The following CDH8 variants were observed in gnomAD, a reference collection of about 807,000 sequenced individuals.
CDH8 encodes the protein cadherin 8.
CDH8 carries 17 observed loss-of-function variants against 68.1 expected under a neutral mutation model. That is an observed-to-expected ratio of 0.25 (90% CI 0.17 to 0.37). The LOEUF (loss-of-function observed/expected upper bound fraction) is 0.37, where lower values mean the gene tolerates loss of function less well. CDH8 is among the 10% of genes least tolerant of loss of function. CDH8 has a pLI of 1.00. For synonymous variants in CDH8, 372 were observed against 365.1 expected (o/e 1.02, Z -0.21); for missense variants, 763 against 999.3 (o/e 0.76, Z 3.19).
chr16:62,029,171 G>A (rs1185244382), intron 1 of CDH8, among the ~76,000 whole-genome samples: 1 of 152,134 alleles, frequency 6.6e-6, no homozygotes, highest in African/African-American at 2.4e-5. Flanking sequence ...AAAGATTAAG[G>A]AAGAAATAAA....
rs557195693 is a variant in CDH8, at chr16:62,021,533, G to A, written c.-130C>T. The A allele has an allele frequency of 2.8e-6, 4 of 1,452,084 alleles. No individual in the cohort carries two copies. The highest frequency in any genetic ancestry group is 4.7e-5 in the East Asian group (2 of 42,242). The allele number at this position is 1,452,084 out of a possible 1,614,324, so 89.9% of individuals were successfully genotyped here. ...AGCTCTGCCACGTGTCTATAGCACGGGAAACAGACATCATCTAAGCAGCTT... is the reference window on the plus strand; with the variant it reads ...AGCTCTGCCACGTGTCTATAGCACGAGAAACAGACATCATCTAAGCAGCTT... On this transcript the variant is annotated 5_prime_UTR_variant, in exon 2 of 12. Transcript: ENST00000577390.
chr16:61,958,642 T>C (rs1014138791), intron 2 of CDH8, among the ~76,000 whole-genome samples: 1 of 152,152 alleles, frequency 6.6e-6, no homozygotes, highest in South Asian at 2.1e-4. Flanking sequence ...TCTTCATCCA[T>C]GATAGAGATT....
At chr16:61,953,900 TATA>T (rs1964937600) in intron 2 of CDH8, among the ~76,000 whole-genome samples, 6 of 63,152 alleles carry the variant, frequency 9.5e-5, no homozygotes, top group African/African-American at 4.5e-4. Flanking sequence ...AAACTTTATA[TATA>T]TATATATATA....
At chr16:61,909,037 A>ATCC (rs972549158) in intron 2 of CDH8, among the ~76,000 whole-genome samples, 2 of 152,286 alleles carry the variant, frequency 1.3e-5, no homozygotes, top group South Asian at 4.1e-4. Flanking sequence ...AGGAGAAATA[A>ATCC]TCCTTGATCA....
intron 9 of CDH8, among the ~76,000 whole-genome samples, chr16:61,720,368 C>A (rs146713465): frequency 6.6e-6 from 1 of 150,914 alleles, no homozygotes; most frequent in Non-Finnish European, 1.5e-5. Flanking sequence ...TGGAAACAAG[C>A]GTATTCAGGT....
chr16:61,881,528 T>C (rs764510426), intron 3 of CDH8, among the ~76,000 whole-genome samples: 1 of 152,130 alleles, frequency 6.6e-6, no homozygotes, highest in Non-Finnish European at 1.5e-5. Context: ...TAAGCAAACA[T>C]ATCAGAAAAG....
intron 10 of CDH8, among the ~76,000 whole-genome samples, chr16:61,689,948 T>A (rs974040765): frequency 3.3e-5 from 5 of 152,052 alleles, no homozygotes; most frequent in Non-Finnish European, 7.4e-5. Context: ...TAAAAGCCAC[T>A]GATTTAGACT....
At chr16:61,891,666 C>A (rs928182070) in intron 3 of CDH8, among the ~76,000 whole-genome samples, 2 of 152,136 alleles carry the variant, frequency 1.3e-5, no homozygotes, top group Non-Finnish European at 2.9e-5. Flanking sequence ...AGACTCCTCA[C>A]CCCATTGTAG....
At chr16:61,657,560 C>A (rs1963471551) in intron 10 of CDH8, among the ~76,000 whole-genome samples, 2 of 151,958 alleles carry the variant, frequency 1.3e-5, no homozygotes, top group South Asian at 4.1e-4. Context: ...AAGCTAAAAG[C>A]AAGGAACATT....
At chr16:61,683,239 A>G (rs1964045233) in intron 10 of CDH8, among the ~76,000 whole-genome samples, 1 of 152,004 alleles carries the variant, frequency 6.6e-6, no homozygotes, top group South Asian at 2.1e-4. Flanking sequence ...TATTACCTTA[A>G]CTGAAAAATA....
chr16:61,722,868 C>A (rs1959237040), intron 9 of CDH8, among the ~76,000 whole-genome samples: 1 of 150,332 alleles, frequency 6.7e-6, no homozygotes, highest in South Asian at 2.1e-4. Context: ...GAAGAGAAAC[C>A]AAAATATTTT....
intron 7 of CDH8, among the ~76,000 whole-genome samples, chr16:61,795,756 T>C (rs1335632224): frequency 6.6e-6 from 1 of 152,078 alleles, no homozygotes; most frequent in East Asian, 1.9e-4. Context: ...TTCCAAACTC[T>C]TCGTGGTGTT....
At chr16:61,729,838 A>G (rs1303395220) in intron 8 of CDH8, among the ~76,000 whole-genome samples, 3 of 151,492 alleles carry the variant, frequency 2.0e-5, no homozygotes, top group African/African-American at 7.2e-5. Context: ...AGAAAAAGCT[A>G]CCATATTCCT....
At chr16:61,906,385 T>G (rs573440335) in intron 2 of CDH8, among the ~76,000 whole-genome samples, 3 of 152,188 alleles carry the variant, frequency 2.0e-5, no homozygotes, top group Non-Finnish European at 4.4e-5. Flanking sequence ...TCAAACCCTC[T>G]GGCCACCCAC....
At chr16:61,756,470 G>T (rs1390728624) in intron 8 of CDH8, among the ~76,000 whole-genome samples, 1 of 151,858 alleles carries the variant, frequency 6.6e-6, no homozygotes, top group Non-Finnish European at 1.5e-5. Context: ...ATTTTGGGAG[G>T]CAACAGAAAT....
At chr16:61,968,088 A>T (rs1011089039) in intron 2 of CDH8, among the ~76,000 whole-genome samples, 7 of 152,136 alleles carry the variant, frequency 4.6e-5, no homozygotes, top group African/African-American at 7.2e-5. Context: ...GGGATTACAT[A>T]AGCAACCGGG....
At chr16:61,903,660 TC>T (rs1431831463) in intron 2 of CDH8, among the ~76,000 whole-genome samples, 1 of 152,238 alleles carries the variant, frequency 6.6e-6, no homozygotes, top group Non-Finnish European at 1.5e-5. Context: ...TTCTGGTTTC[TC>T]TAACTACATG....
At chr16:61,893,656 G>A (rs1335625484) in intron 3 of CDH8, among the ~76,000 whole-genome samples, 2 of 152,006 alleles carry the variant, frequency 1.3e-5, no homozygotes, top group Non-Finnish European at 2.9e-5. Context: ...CAGCGCGTTG[G>A]GCCAAAAGGT....
chr16:62,021,123 G>C (rs758996329), intron 2 of CDH8, 29 bp downstream of exon 2: 3 of 1,600,332 alleles, frequency 1.9e-6, no homozygotes, highest in South Asian at 2.2e-5. Context: ...AACAGACCCT[G>C]AAATTGAGAT....
Sources: allele counts gnomAD v4.1 joint callset (sites outside exome capture counted in the v4.1 genomes callset), GRCh38; gene constraint gnomAD v4.1.1; transcripts MANE v1.5; gene names NCBI Gene and HGNC (gene_info 2026-07-23, HGNC 2026-07-21).